Variants in SORCS1 observed in about 807,000 individuals in gnomAD.
The protein encoded by SORCS1 is VPS10 domain-containing receptor SorCS1.
In SORCS1, 60 loss-of-function variants were observed where a neutral mutation model predicts 146.1. The observed-to-expected ratio is 0.41, with a 90% CI of 0.33 to 0.51. SORCS1 has a LOEUF of 0.51. SORCS1 is among the 20% of genes least tolerant of loss of function. SORCS1 has a pLI of 0.21. For missense variants in SORCS1, 1,352 were observed against 1,487.6 expected (o/e 0.91, Z 1.50); for synonymous variants, 637 against 584.0 (o/e 1.09, Z -1.31).
At chr10:106,632,247 T>A (rs912843470) in intron 18 of SORCS1, among the ~76,000 whole-genome samples, 1 of 152,198 alleles carries the variant, frequency 6.6e-6, no homozygotes, top group African/African-American at 2.4e-5. Flanking sequence ...GAGATAAGAA[T>A]GTCAAGGGGC....
intron 6 of SORCS1, among the ~76,000 whole-genome samples, chr10:106,720,794 T>C (rs1855728119): frequency 6.6e-6 from 1 of 152,062 alleles, no homozygotes; most frequent in South Asian, 2.1e-4. Context: ...GGCACAGAGC[T>C]TCATGCAGGT....
intron 2 of SORCS1, among the ~76,000 whole-genome samples, chr10:106,901,243 A>G (rs1951688028): frequency 6.6e-6 from 1 of 152,222 alleles, no homozygotes. Flanking sequence ...GGTATTAGAA[A>G]GCAGCCCAAT....
In SORCS1 at chr10:106,776,643, G is replaced by A; in HGVS notation, c.776C>T (p.Ser259Leu). The change falls in exon 4 of 26, where the codon TCA becomes TTA. Residue 259 changes from serine (S) to leucine (L), a missense_variant. By Grantham distance (145) the Ser-to-Leu change is moderately radical. This residue lies in a region of SORCS1 where 490 missense variants were observed against 489.1 expected (regional missense o/e 1.00). Transcript: ENST00000263054. Reference sequence around the variant, plus strand: ...CTTTTGATAAGTTGCCCCTTCATCTGAGCTGATCAATAAACTGCTCTCAAT... The same window carrying A: ...CTTTTGATAAGTTGCCCCTTCATCTAAGCTGATCAATAAACTGCTCTCAAT... ...PEIESSLLIS[S>L]DEGATYQKYR... 1 of 1,614,040 alleles carries A rather than the reference G, an allele frequency of 6.2e-7. No individual in the cohort carries two copies. The highest frequency in any genetic ancestry group is 2.2e-5 in the East Asian group (1 of 44,862).
At chr10:106,773,773 C>T (rs1860209856) in intron 4 of SORCS1, among the ~76,000 whole-genome samples, 1 of 152,086 alleles carries the variant, frequency 6.6e-6, no homozygotes, top group African/African-American at 2.4e-5. Flanking sequence ...CAAGGCGAAA[C>T]CCCGTCTCTA....
chr10:107,140,225 C>T (rs1204163566), intron 1 of SORCS1, among the ~76,000 whole-genome samples: 8 of 152,186 alleles, frequency 5.3e-5, no homozygotes, highest in African/African-American at 9.7e-5. Flanking sequence ...CCAAACTTTC[C>T]TTGCAGAATC....
intron 7 of SORCS1, among the ~76,000 whole-genome samples, chr10:106,708,398 G>A (rs1854693964): frequency 6.6e-6 from 1 of 152,060 alleles, no homozygotes; most frequent in Admixed American, 6.5e-5. Context: ...ATGTAATACT[G>A]TCTAGAATGG....
At position 106,977,903 on chromosome 10, in the gene SORCS1, A is replaced by G. The variant is rs1956098624; in HGVS notation, c.559-21323T>C. ...AAATTGCTTTGCAAAATGGTAGCACATTCCCAAAATGTCAGAGTTCGAGTG... is the reference window on the plus strand; with the variant it reads ...AAATTGCTTTGCAAAATGGTAGCACGTTCCCAAAATGTCAGAGTTCGAGTG... On this transcript the variant is annotated intron_variant, in intron 1 of 25. Coordinates refer to ENST00000263054, the MANE Select transcript of SORCS1 (RefSeq NM_052918.5). Among the ~76,000 whole-genome samples the G allele has an allele frequency of 2.0e-5, 3 of 152,234 alleles. No individual in the cohort carries two copies. The South Asian group carries it at 6.2e-4, about 31-fold the overall frequency.
At chr10:106,775,699 A>G (rs1463969523) in intron 4 of SORCS1, among the ~76,000 whole-genome samples, 1 of 152,216 alleles carries the variant, frequency 6.6e-6, no homozygotes, top group Non-Finnish European at 1.5e-5. Flanking sequence ...TGCATTTCAC[A>G]AGGAGTATTC....
At chr10:107,051,710 C>A (rs1564974629) in intron 1 of SORCS1, among the ~76,000 whole-genome samples, 1 of 152,130 alleles carries the variant, frequency 6.6e-6, no homozygotes, top group Non-Finnish European at 1.5e-5. Context: ...TACTGGCTTG[C>A]ATGTCTGTGC....
At chr10:107,115,262 GTTCATATGGAAC>G (rs1039063557) in intron 1 of SORCS1, among the ~76,000 whole-genome samples, 1 of 151,058 alleles carries the variant, frequency 6.6e-6, no homozygotes, top group African/African-American at 2.4e-5. Flanking sequence ...AAATCCTAAA[GTTCATATGGAAC>G]TACAAAAGAC....
At chr10:106,879,011 A>G (rs1263346307) in intron 2 of SORCS1, among the ~76,000 whole-genome samples, 1 of 151,800 alleles carries the variant, frequency 6.6e-6, no homozygotes, top group Non-Finnish European at 1.5e-5. Flanking sequence ...GTAGCCGGAC[A>G]TGGTGGTGGG....
rs1856722800 is a variant in SORCS1, at chr10:106,733,118, AAAGAAAAG to A, written c.960-3012_960-3005del. On this transcript the variant is annotated intron_variant, in intron 5 of 25. Transcript: ENST00000263054. ...GTGATACTCCATTTCAAAAAAAAGA[AAAGAAAAG>A]AAAAGAAAAGAAAAGAAAAAGAAAA... 2.8e-4 allele frequency among the ~76,000 whole-genome samples: 42 copies of A among 147,962 alleles called. 2 individuals carry two copies. The highest frequency in any genetic ancestry group is 7.5e-5 in the Non-Finnish European group (5 of 67,044).
At chr10:107,074,255 G>T (rs1962692348) in intron 1 of SORCS1, among the ~76,000 whole-genome samples, 1 of 152,130 alleles carries the variant, frequency 6.6e-6, no homozygotes, top group Non-Finnish European at 1.5e-5. Flanking sequence ...CCATAGTTTG[G>T]TCTTTTCCAG....
chr10:106,801,590 G>A (rs1241945162), intron 3 of SORCS1, among the ~76,000 whole-genome samples: 1 of 148,022 alleles, frequency 6.8e-6, no homozygotes, highest in South Asian at 2.1e-4. Flanking sequence ...GTGCAGTGGT[G>A]GGATCTCGGC....
At position 106,611,073 on chromosome 10, in the gene SORCS1, A is replaced by G. The variant is rs571778384; in HGVS notation, c.3033+838T>C. Reference sequence around the variant, plus strand: ...CCAGCCTGGGTGACAGAGTGAGACTATATCTCATAAAAGAAAAAAAAAAAG... The same window carrying G: ...CCAGCCTGGGTGACAGAGTGAGACTGTATCTCATAAAAGAAAAAAAAAAAG... On this transcript the variant is annotated intron_variant, in intron 22 of 25. Transcript: ENST00000263054. 5.3e-4 allele frequency among the ~76,000 whole-genome samples: 81 copies of G among 152,134 alleles called. No homozygotes were observed. The South Asian group carries it at 6.2e-3, about 12-fold the overall frequency.
chr10:106,605,075 T>C (rs1364448006), intron 23 of SORCS1, among the ~76,000 whole-genome samples: 1 of 152,270 alleles, frequency 6.6e-6, no homozygotes, highest in Non-Finnish European at 1.5e-5. Flanking sequence ...CTCTTCTACA[T>C]GTGTGCCAAT....
intron 23 of SORCS1, among the ~76,000 whole-genome samples, chr10:106,606,723 GC>G (rs1386692456): frequency 6.6e-6 from 1 of 152,122 alleles, no homozygotes; most frequent in Non-Finnish European, 1.5e-5. Flanking sequence ...ATCCCCACTT[GC>G]CATGGGAAGG....
At chr10:106,989,546 T>C (rs1445034150) in intron 1 of SORCS1, among the ~76,000 whole-genome samples, 1 of 151,968 alleles carries the variant, frequency 6.6e-6, no homozygotes, top group Non-Finnish European at 1.5e-5. Flanking sequence ...CTAATCCTCA[T>C]CCTCTCCCCC....
rs71025557 is a variant in SORCS1, at chr10:106,813,128, C to CTTTTTT, written c.726+16440_726+16445dup. On this transcript the variant is annotated intron_variant, in intron 3 of 25. Transcript: ENST00000263054. ...TCTTTGTTTCTTTTTCTTCTCTTTT[C>CTTTTTT]TTTTTTTTTTTTTTTTTTTTTTGAG... Among the ~76,000 whole-genome samples, 718 of 98,556 alleles carry CTTTTTT rather than the reference C, an allele frequency of 7.3e-3. 1 individual carries two copies. Among genetic ancestry groups the CTTTTTT allele is most frequent in the Non-Finnish European group, 9.7e-3 (476 of 48,992 alleles). 64.7% of individuals were successfully genotyped at this position (98,556 alleles called of 152,430 possible). A position where few individuals can be genotyped will look rare whatever the true frequency, so the allele number is the denominator to read the frequency against.
Sources: gnomAD v4.1 joint callset for allele counts (sites outside exome capture counted in the v4.1 genomes callset) on GRCh38, gnomAD v4.1.1 for gene constraint, gnomAD v4.1.1 regional missense constraint, MANE v1.5 for transcripts, NCBI Gene and HGNC (gene_info 2026-07-23, HGNC 2026-07-21) for gene names.